The following NBAS variants were observed in gnomAD, a reference collection of about 807,000 sequenced individuals.
NBAS encodes the protein NAG/BC035112 fusion.
NBAS carries 219 observed loss-of-function variants against 302.5 expected under a neutral mutation model. The observed-to-expected ratio is 0.72, with a 90% CI of 0.65 to 0.81. The LOEUF (loss-of-function observed/expected upper bound fraction) is 0.81, where lower values mean the gene tolerates loss of function less well. Ranked by LOEUF, NBAS falls within the 30% of genes least tolerant of loss-of-function variation. The probability of loss-of-function intolerance (pLI) is 0.00; values close to 1 mark genes in which losing one functional copy is unlikely to be tolerated. For missense variants in NBAS, 2,932 were observed against 2,841.6 expected, an observed-to-expected ratio of 1.03 and a Z score of -0.72; for synonymous variants, 1,118 against 1,021.6, an observed-to-expected ratio of 1.09 and a Z score of -1.80.
At chr2:15,112,978 G>A in the NBAS span, among the ~76,000 whole-genome samples, 7 of 152,154 alleles carry the variant, frequency 4.6e-5, no homozygotes, top group East Asian at 9.7e-4. Context: ...AGAAGAGAAC[G>A]TAGCAAATTG....
At chr2:14,793,175 G>A in the NBAS span, among the ~76,000 whole-genome samples, 1 of 151,852 alleles carries the variant, frequency 6.6e-6, no homozygotes, top group Non-Finnish European at 1.5e-5. Context: ...TCAGTCAGTT[G>A]GTACCTTGCT....
At position 15,218,577 on chromosome 2, in the gene NBAS, C is replaced by A. The variant is rs569261482; in HGVS notation, c.6432+196G>T. 2.0e-3 allele frequency among the ~76,000 whole-genome samples: 312 copies of A among 152,298 alleles called. 2 individuals carry two copies. The highest frequency in any genetic ancestry group is 3.4e-3 in the Non-Finnish European group (229 of 68,036). The stretch of plus-strand genomic sequence containing the variant: ...CAGCTGGGACTACAGATGCGTGCCA[C>A]CACACCAGGCTGTTTGTAGATTTAG... On this transcript the variant is annotated intron_variant, in intron 48 of 51. Transcript: ENST00000281513.
At chr2:14,897,095 G>A in the NBAS span, among the ~76,000 whole-genome samples, 2 of 151,310 alleles carry the variant, frequency 1.3e-5, no homozygotes, top group Admixed American at 1.3e-4. Context: ...TTACACATGG[G>A]AAAAACGAAG....
chr2:15,533,722 GTGTGTGTT>G (rs1254832835), intron 9 of NBAS, among the ~76,000 whole-genome samples: 1 of 96,688 alleles, frequency 1.0e-5, no homozygotes, highest in African/African-American at 3.6e-5. Context: ...GTGTGTGTGT[GTGTGTGTT>G]CTAGTATAAA....
intron 30 of NBAS, among the ~76,000 whole-genome samples, chr2:15,376,139 C>T (rs1424116964): frequency 6.6e-6 from 1 of 152,100 alleles, no homozygotes; most frequent in Admixed American, 6.6e-5. Flanking sequence ...GCTTCCTCAA[C>T]AATTTATTTA....
At chr2:14,816,334 T>C in the NBAS span, among the ~76,000 whole-genome samples, 1 of 152,230 alleles carries the variant, frequency 6.6e-6, no homozygotes, top group Non-Finnish European at 1.5e-5. Flanking sequence ...TTGTGAACTA[T>C]GCATCTGAGG....
At chr2:14,908,080 G>C in the NBAS span, among the ~76,000 whole-genome samples, 4 of 152,130 alleles carry the variant, frequency 2.6e-5, no homozygotes, top group African/African-American at 9.7e-5. Flanking sequence ...TAAAGTACAG[G>C]GGGCCAGGCG....
the NBAS span, among the ~76,000 whole-genome samples, chr2:14,865,187 A>T: frequency 3.3e-5 from 5 of 152,180 alleles, no homozygotes; most frequent in South Asian, 1.0e-3. Context: ...AAATGGTAGG[A>T]GGTGGTGGGG....
At chr2:15,319,119 G>C (rs895208214) in intron 38 of NBAS, among the ~76,000 whole-genome samples, 2 of 152,116 alleles carry the variant, frequency 1.3e-5, no homozygotes, top group African/African-American at 4.8e-5. Flanking sequence ...CAACAACATG[G>C]AAAGTGAACA....
At chr2:14,801,359 A>G in the NBAS span, among the ~76,000 whole-genome samples, 1 of 151,984 alleles carries the variant, frequency 6.6e-6, no homozygotes, top group African/African-American at 2.4e-5. Context: ...ATTTTAAAAA[A>G]TTTTTTGTGT....
intron 50 of NBAS, 51 bp from the exon 51 acceptor site, chr2:15,179,167 C>A: frequency 1.2e-6 from 2 of 1,612,652 alleles, no homozygotes; most frequent in East Asian, 2.2e-5. Context: ...TACTTCTCAC[C>A]GGCACGGTTC....
chr2:15,253,980 G>A (rs1668472486), intron 44 of NBAS, among the ~76,000 whole-genome samples: 1 of 152,152 alleles, frequency 6.6e-6, no homozygotes, highest in African/African-American at 2.4e-5. Flanking sequence ...AAGTGAGTGA[G>A]AGACTATCAG....
At chr2:15,461,510 A>G (rs1025935620) in intron 20 of NBAS, among the ~76,000 whole-genome samples, 173 bp from the exon 21 acceptor site, 3 of 152,164 alleles carry the variant, frequency 2.0e-5, no homozygotes, top group African/African-American at 7.2e-5. Context: ...GGCTATGAAA[A>G]TTATTTATTT....
chr2:14,990,731 C>G, the NBAS span, among the ~76,000 whole-genome samples: 5 of 152,110 alleles, frequency 3.3e-5, no homozygotes, highest in Admixed American at 2.0e-4. Context: ...TCCAGAGTAG[C>G]TGGGACTGTA....
At chr2:14,990,105 A>C in the NBAS span, among the ~76,000 whole-genome samples, 1 of 151,340 alleles carries the variant, frequency 6.6e-6, no homozygotes, top group African/African-American at 2.4e-5. Context: ...CCCATTTCTC[A>C]TTGTAATCCT....
intron 51 of NBAS, among the ~76,000 whole-genome samples, chr2:15,172,103 C>T (rs1297365467): frequency 1.3e-5 from 2 of 152,198 alleles, no homozygotes. Context: ...TGCCAGCTTA[C>T]AGCGGTGACA....
the NBAS span, among the ~76,000 whole-genome samples, chr2:15,081,843 C>T: frequency 6.6e-6 from 1 of 152,146 alleles, no homozygotes; most frequent in South Asian, 2.1e-4. Context: ...GCCTTTTGGT[C>T]CACAAAGAGA....
At chr2:15,112,548 A>G in the NBAS span, among the ~76,000 whole-genome samples, 1 of 152,188 alleles carries the variant, frequency 6.6e-6, no homozygotes, top group Non-Finnish European at 1.5e-5. Context: ...GCAAAACTGC[A>G]TATTGAAAGA....
chr2:15,178,287 C>T (rs1027749290), intron 51 of NBAS: 4 of 346,422 alleles, frequency 1.2e-5, no homozygotes, highest in African/African-American at 6.4e-5. Context: ...AACAGACATA[C>T]ATACACTTCA....
Sources: allele counts gnomAD v4.1 joint callset (sites outside exome capture counted in the v4.1 genomes callset), GRCh38; gene constraint gnomAD v4.1.1; transcripts MANE v1.5; gene names NCBI Gene and HGNC (gene_info 2026-07-23, HGNC 2026-07-21).